LRCH2: variants seen among roughly 807,000 people sequenced by gnomAD.
LRCH2 encodes leucine rich repeats and calponin homology domain containing 2, also known as leucine-rich repeat and calponin homology domain-containing protein 2.
LRCH2 carries 38 observed loss-of-function variants against 68.9 expected under a neutral mutation model. The ratio of observed to expected loss-of-function variants is 0.55; its 90% CI spans 0.43 to 0.72. The LOEUF (loss-of-function observed/expected upper bound fraction) is 0.72. Among genes scored for constraint, LRCH2 ranks in the 30% least tolerant of loss-of-function variants. The pLI is 0.00. For synonymous variants in LRCH2, 191 were observed against 208.1 expected (o/e 0.92, Z 0.71); for missense variants, 528 against 572.9 (o/e 0.92, Z 0.80).
At chrX:115,150,210 A>G (rs782595810) in intron 12 of LRCH2, 140 bp from the exon 13 acceptor site, 378 of 443,296 alleles carry the variant, frequency 8.5e-4, no homozygotes, top group African/African-American at 8.4e-3. Context: ...ACAACATAAA[A>G]CTTAAAGTTG....
intron 14 of LRCH2, among the ~76,000 whole-genome samples, chrX:115,138,392 C>A (rs1027712150): frequency 8.9e-6 from 1 of 111,808 alleles, no homozygotes; most frequent in Non-Finnish European, 1.9e-5. Context: ...TCAGACTTAG[C>A]ATGAACATAC....
chrX:115,225,990 A>C (rs1194257262), intron 1 of LRCH2, among the ~76,000 whole-genome samples: 3 of 112,209 alleles, frequency 2.7e-5, no homozygotes, highest in Non-Finnish European at 5.6e-5. Flanking sequence ...ATGTCAATGG[A>C]AACAGAAATG....
intron 1 of LRCH2, among the ~76,000 whole-genome samples, chrX:115,212,926 G>A (rs782275268): frequency 8.3e-5 from 9 of 109,035 alleles, no homozygotes; most frequent in African/African-American, 3.0e-4. Context: ...TGAGCCGATT[G>A]TGCCACTGCA....
chrX:115,222,905 G>A (rs1339618294), intron 1 of LRCH2, among the ~76,000 whole-genome samples: 4 of 111,324 alleles, frequency 3.6e-5, no homozygotes, highest in African/African-American at 1.3e-4. Flanking sequence ...AAAAAATGTC[G>A]GAAAATTCAC....
chrX:115,190,161 G>A, intron 1 of LRCH2: 1 of 1,165,405 alleles, frequency 8.6e-7, no homozygotes, highest in East Asian at 3.3e-5. Context: ...CGCGGGTCCG[G>A]GAGCCACTGC....
intron 15 of LRCH2, among the ~76,000 whole-genome samples, chrX:115,127,718 T>A (rs2072211006): frequency 9.0e-6 from 1 of 110,880 alleles, no homozygotes; most frequent in Non-Finnish European, 1.9e-5. Flanking sequence ...ACTGAGTGTC[T>A]ACCAGAAAAA....
Position 115,232,296 on chromosome X carries a change from A to G in LRCH2, c.349+1397T>C, listed in dbSNP as rs184294693. ...AGAAGAAGAAAAGAAAAAAATCACT[A>G]TAATGATGCAGTCTGAAACTGTTTT... is the stretch of plus-strand genomic sequence containing the variant. On this transcript the variant is annotated intron_variant, in intron 1 of 20. Coordinates refer to ENST00000317135, the MANE Select transcript of LRCH2 (RefSeq NM_020871.4). 1.8e-4 allele frequency among the ~76,000 whole-genome samples: 20 copies of G among 110,775 alleles called. No homozygotes were observed. In the East Asian group the frequency reaches 5.1e-3, roughly 28 times the overall value.
rs180935421 is a variant in LRCH2 at position 115,190,256 on chromosome X, A to G, written c.350-1886T>C. The stretch of plus-strand genomic sequence containing the variant: ...TATGGCCACTCCAGTGTCCCGGACT[A>G]CCGTCCCTTGAGAGGCGACGGCAAC... On this transcript the variant is annotated intron_variant, in intron 1 of 20. Transcript: ENST00000317135. The G allele has an allele frequency of 1.0e-5, 12 of 1,156,233 alleles. No homozygotes were observed. The highest frequency in any genetic ancestry group is 2.3e-4 in the Middle Eastern group (1 of 4,260).
intron 1 of LRCH2, among the ~76,000 whole-genome samples, chrX:115,197,755 T>TTCTC (rs782244834): frequency 4.8e-5 from 3 of 61,947 alleles, no homozygotes; most frequent in Non-Finnish European, 9.5e-5. Flanking sequence ...CTCTCTCTCT[T>TTCTC]TCTCTCTCTC....
intron 20 of LRCH2, among the ~76,000 whole-genome samples, chrX:115,121,818 C>T (rs1556526145): frequency 1.8e-5 from 2 of 111,463 alleles, no homozygotes; most frequent in African/African-American, 6.5e-5. Context: ...ATCTGTAGAC[C>T]AGATTATTAA....
At chrX:115,170,582 A>AACT (rs782691383) in intron 5 of LRCH2, 150 bp from the exon 6 acceptor site, 1 of 546,967 alleles carries the variant, frequency 1.8e-6, no homozygotes, top group South Asian at 7.6e-5. Context: ...TTCTGACACC[A>AACT]GGTGGAAAAA....
intron 5 of LRCH2, among the ~76,000 whole-genome samples, chrX:115,173,505 A>G (rs2072621188): frequency 8.9e-6 from 1 of 111,846 alleles, no homozygotes; most frequent in Non-Finnish European, 1.9e-5. Flanking sequence ...TACCTACTTT[A>G]AACTATTAAC....
intron 20 of LRCH2, among the ~76,000 whole-genome samples, chrX:115,118,585 AG>A (rs1333193050): frequency 9.1e-6 from 1 of 110,470 alleles, no homozygotes; most frequent in Non-Finnish European, 1.9e-5. Context: ...ATTCTACCAG[AG>A]GTACAAGGAG....
rs782552549 is a variant in LRCH2 at position 115,163,779 on chromosome X, C to G, written c.1360G>C (p.Glu454Gln). The change falls in exon 11 of 21, where the codon GAG becomes CAG. Residue 454 changes from glutamate to glutamine, a missense_variant. By Grantham distance (29) the Glu-to-Gln change is conservative. Transcript: ENST00000317135. ...TCCTCTGCCAGTAACTGTTCTTTCT[C>G]AAGTCTGAAAGGTGACACAAACATG... ...NEELGDEKRLEKEQLLAEEED... is the reference protein window; with the variant it reads ...NEELGDEKRLQKEQLLAEEED... 9 of 1,177,427 alleles carry G rather than the reference C, an allele frequency of 7.6e-6. No individual in the cohort carries two copies. In the Admixed American group the frequency reaches 1.8e-4, roughly 24 times the overall value.
intron 1 of LRCH2, chrX:115,192,779 AT>A: frequency 1.6e-6 from 1 of 634,100 alleles, no homozygotes; most frequent in Non-Finnish European, 2.4e-6. Flanking sequence ...TAAGATCTCC[AT>A]TTTTATGCTT....
At chrX:115,191,659 C>T in intron 1 of LRCH2, 1 of 1,160,786 alleles carries the variant, frequency 8.6e-7, no homozygotes, top group Non-Finnish European at 1.1e-6. Flanking sequence ...CCAGAGCGAC[C>T]ACTATGGAGG....
intron 11 of LRCH2, among the ~76,000 whole-genome samples, chrX:115,160,180 C>T (rs370627676): frequency 9.1e-6 from 1 of 109,969 alleles, no homozygotes. Flanking sequence ...GCCAGGCATG[C>T]TAGCGCATGC....
chrX:115,166,364 G>A (rs375395327), intron 6 of LRCH2, 22 bp from the exon 7 acceptor site: 1 of 1,026,452 alleles, frequency 9.7e-7, no homozygotes, highest in Admixed American at 2.5e-5. Flanking sequence ...GAAATCCTAA[G>A]AGCAGTTAGG....
chrX:115,145,399 GAGCTACCCCATA>G (rs1273256670), intron 14 of LRCH2, among the ~76,000 whole-genome samples: 4 of 111,136 alleles, frequency 3.6e-5, no homozygotes, highest in African/African-American at 1.3e-4. Context: ...AAAATTTCCT[GAGCTACCCCATA>G]AGCGCAGGCA....
Sources: gnomAD v4.1 joint callset for allele counts (sites outside exome capture counted in the v4.1 genomes callset) on GRCh38, gnomAD v4.1.1 for gene constraint, MANE v1.5 for transcripts, NCBI Gene and HGNC (gene_info 2026-07-23, HGNC 2026-07-21) for gene names.